Variants in STAB1 observed in about 807,000 individuals in gnomAD.
STAB1 encodes stabilin-1.
Under a neutral mutation model 332.4 loss-of-function variants are expected in STAB1, and 250 were observed. The observed-to-expected ratio is 0.75, with a 90% confidence interval of 0.68 to 0.84. The LOEUF is 0.84. Among genes scored for constraint, STAB1 ranks in the 40% least tolerant of loss-of-function variants. The pLI is 0.00. For synonymous variants in STAB1, 1,475 were observed against 1,390.4 expected (o/e 1.06, Z -1.35); for missense variants, 3,249 against 3,489.7 (o/e 0.93, Z 1.74).
rs889471397 is a variant in STAB1 at position 52,508,453 on chromosome 3, G to A, written c.2235+94G>A. ...CTGGCTGTGTGTCTGGGCCAAGCCT[G>A]CCACTCTGGCCTTGGGATTCTCATA... is the stretch of plus-strand genomic sequence containing the variant. On this transcript the variant is annotated intron_variant, in intron 21 of 68. Coordinates refer to ENST00000321725, the MANE Select transcript of STAB1 (RefSeq NM_015136.3). 2.6e-6 allele frequency: 3 copies of A among 1,172,714 alleles called. No homozygotes were observed. The African/African-American group carries it at 4.5e-5, about 18-fold the overall frequency. 72.6% of individuals were successfully genotyped at this position (1,172,714 alleles called of 1,614,324 possible).
Position 52,513,172 on chromosome 3 carries a change from C to T in STAB1, c.3201C>T (p.Ala1067=). ...LQGALFEEEL[A]RLGGQEVATL... ...GTGCCCTCTTCGAGGAGGAGCTGGC[C>T]CGGCTGGGTGGGCAGGAAGTGGCCA... The change falls in exon 30 of 69, where the codon GCC becomes GCT. Residue 1067 remains alanine (A), a synonymous_variant. Coordinates refer to ENST00000321725, the MANE Select transcript of STAB1 (RefSeq NM_015136.3). 6.3e-7 allele frequency: 1 copy of T among 1,583,254 alleles called. No homozygotes were observed. The highest frequency in any genetic ancestry group is 8.6e-7 in the Non-Finnish European group (1 of 1,165,136).
At chr3:52,517,208 G>T in intron 42 of STAB1, 99 bp downstream of exon 42, 1 of 1,503,304 alleles carries the variant, frequency 6.7e-7, no homozygotes. Context: ...CATGGGACTT[G>T]TGGGGACTGG....
Position 52,513,123 on chromosome 3 carries a change from C to G in STAB1, c.3159-7C>G. 4.5e-6 allele frequency: 7 copies of G among 1,561,180 alleles called. No individual in the cohort carries two copies. Among genetic ancestry groups the G allele is most frequent in the Non-Finnish European group, 6.1e-6 (7 of 1,152,386 alleles). ...TTCCATGACCCCCCTAAACTGTGCCCTGTCAGGGCCCATTTTCTCCAGGGT... is the reference window on the plus strand; with the variant it reads ...TTCCATGACCCCCCTAAACTGTGCCGTGTCAGGGCCCATTTTCTCCAGGGT... On this transcript the variant is annotated splice_polypyrimidine_tract_variant and splice_region_variant and intron_variant, in intron 29 of 68. Transcript: ENST00000321725.
chr3:52,509,206 C>G lies in STAB1; in HGVS notation c.2236-4C>G. On this transcript the variant is annotated splice_region_variant and splice_polypyrimidine_tract_variant and intron_variant, in intron 21 of 68. Transcript: ENST00000321725. ...ACTGATCCTGCCTTCTGCTCACTCTCTAGTGCAGTGATGGGATCCAGGGCA... is the reference window on the plus strand; with the variant it reads ...ACTGATCCTGCCTTCTGCTCACTCTGTAGTGCAGTGATGGGATCCAGGGCA... 1 of 1,613,066 alleles carries G rather than the reference C, an allele frequency of 6.2e-7. No individual in the cohort carries two copies.
chr3:52,519,473 T>G (rs193138937), intron 49 of STAB1, 32 bp from the exon 50 acceptor site: 2 of 1,612,864 alleles, frequency 1.2e-6, no homozygotes, highest in Non-Finnish European at 8.5e-7. Context: ...CCTTCCCGCC[T>G]GGCCTAGCTG....
intron 1 of STAB1, among the ~76,000 whole-genome samples, chr3:52,497,611 C>T (rs1366022121): frequency 6.6e-6 from 1 of 151,876 alleles, no homozygotes; most frequent in Non-Finnish European, 1.5e-5. Flanking sequence ...CAGGGTTTCT[C>T]CATGTTAGCC....
intron 1 of STAB1, among the ~76,000 whole-genome samples, chr3:52,499,854 C>G (rs922000870): frequency 7.3e-6 from 1 of 137,620 alleles, no homozygotes; most frequent in Non-Finnish European, 1.6e-5. Context: ...AGCCGAGATC[C>G]CGCCACTGCA....
intron 55 of STAB1, 59 bp downstream of exon 55, chr3:52,521,064 G>A (rs1443760723): frequency 2.7e-6 from 4 of 1,469,234 alleles, no homozygotes; most frequent in East Asian, 2.4e-5. Flanking sequence ...CCAAGGCACA[G>A]CTCTGGCCAT....
In STAB1 at chr3:52,506,840, A is replaced by G. The variant is rs1341568399; in HGVS notation, c.1979A>G (p.Lys660Arg). The G allele has an allele frequency of 6.2e-6, 10 of 1,612,836 alleles. No homozygotes were observed. Among genetic ancestry groups the G allele is most frequent in the Non-Finnish European group, 8.5e-6 (10 of 1,179,886 alleles). Residue 660 changes from lysine to arginine, a missense_variant, in exon 18 of 69, where the codon AAG becomes AGG. Physicochemically the swap from Lys to Arg is conservative, Grantham distance 26. Coordinates refer to ENST00000321725, the MANE Select transcript of STAB1 (RefSeq NM_015136.3). Reference protein sequence around the residue: ...LPKHCSEEQHKIVAGSCVDCQ... With the variant: ...LPKHCSEEQHRIVAGSCVDCQ... ...AAGCACTGCAGCGAGGAGCAGCACA[A>G]GATTGTGGCGGTGAGCCTCGCCTGC...
intron 26 of STAB1, among the ~76,000 whole-genome samples, chr3:52,512,130 A>T (rs1709340357): frequency 6.6e-6 from 1 of 152,192 alleles, no homozygotes; most frequent in Admixed American, 6.5e-5. Context: ...CCTCGCATCC[A>T]CCTGGCATGG....
Position 52,502,637 on chromosome 3 carries a change from A to T in STAB1, c.493A>T (p.Ser165Cys). The T allele has an allele frequency of 6.2e-7, 1 of 1,611,414 alleles. No individual in the cohort carries two copies. The highest frequency in any genetic ancestry group is 8.5e-7 in the Non-Finnish European group (1 of 1,178,052). Reference protein sequence around the residue: ...RFGPDCQSVCSCVHGVCNHGP... With the variant: ...RFGPDCQSVCCCVHGVCNHGP... ...TCTCTGTGTGTCCCTCCCAGTGTGC[A>T]GCTGTGTGCACGGAGTGTGCAACCA... The change falls in exon 6 of 69, where the codon AGC becomes TGC. Residue 165 changes from serine to cysteine, a missense_variant. Transcript: ENST00000321725.
chr3:52,507,841 G>A (rs1708989410), intron 19 of STAB1, 90 bp from the exon 20 acceptor site: 1 of 1,461,518 alleles, frequency 6.8e-7, no homozygotes, highest in South Asian at 1.2e-5. Flanking sequence ...TCTGGACCCA[G>A]GGGGCAGAGG....
Position 52,517,639 on chromosome 3 carries a change from C to T in STAB1, c.4638+15C>T. On this transcript the variant is annotated intron_variant, in intron 44 of 68. Transcript: ENST00000321725. ...CCTGCTCTAAGGTCAGGACCCTAGT[C>T]CTGTCCTCCTTCACTGACGAGAAGG... is the stretch of plus-strand genomic sequence containing the variant. 3 of 1,610,766 alleles carry T rather than the reference C, an allele frequency of 1.9e-6. No individual in the cohort carries two copies. The highest frequency in any genetic ancestry group is 2.5e-6 in the Non-Finnish European group (3 of 1,178,972).
At chr3:52,507,147 C>T (rs1405052153) in intron 18 of STAB1, among the ~76,000 whole-genome samples, 3 of 152,350 alleles carry the variant, frequency 2.0e-5, no homozygotes, top group Non-Finnish European at 2.9e-5. Context: ...TGGGTTCAAG[C>T]GATTCTCCTG....
At chr3:52,507,047 ATTTGT>A in intron 18 of STAB1, among the ~76,000 whole-genome samples, 197 bp downstream of exon 18, 1 of 152,106 alleles carries the variant, frequency 6.6e-6, no homozygotes, top group Non-Finnish European at 1.5e-5. Flanking sequence ...CATCTTTGAG[ATTTGT>A]TTTGTTTTTT....
chr3:52,503,309 C>A, intron 7 of STAB1, 35 bp from the exon 8 acceptor site: 1 of 1,578,670 alleles, frequency 6.3e-7, no homozygotes. Context: ...CTCCTGGGTG[C>A]TTGGCTCACT....
chr3:52,507,608 C>G lies in STAB1; in HGVS notation c.1990-5C>G. 1.4e-5 allele frequency: 22 copies of G among 1,613,236 alleles called. No homozygotes were observed. The highest frequency in any genetic ancestry group is 1.9e-5 in the Non-Finnish European group (22 of 1,179,646). On this transcript the variant is annotated splice_polypyrimidine_tract_variant and splice_region_variant and intron_variant, in intron 18 of 68. Transcript: ENST00000321725. ...CTCTCCCCATCCTGCCCCTGCCCTG[C>G]CCAGGGCTCCTGTGTGGACTGCCAA...
intron 25 of STAB1, 43 bp downstream of exon 25, chr3:52,510,550 GA>G (rs1709223414): frequency 2.5e-6 from 4 of 1,588,508 alleles, no homozygotes; most frequent in Non-Finnish European, 3.4e-6. Context: ...GGTTCTGGGG[GA>G]CTCTCTCCCT....
In STAB1 at chr3:52,517,975, G is replaced by A; in HGVS notation, c.4733G>A (p.Gly1578Asp). The change falls in exon 45 of 69, where the codon GGC (glycine) becomes GAC (aspartate). Residue 1578 changes from glycine to aspartate, a missense_variant. Physicochemically the swap from Gly to Asp is moderately conservative, Grantham distance 94 (BLOSUM62 -1). Transcript: ENST00000321725. ...TCDTAHTVGD[G>D]LTCRARVGLE... ...GACACAGCCCACACCGTGGGGGACG[G>A]CCTCACCTGCCGTGCCCGAGTCGGC... 1 of 1,606,886 alleles carries A rather than the reference G, an allele frequency of 6.2e-7. No homozygotes were observed. Among genetic ancestry groups the A allele is most frequent in the Non-Finnish European group, 8.5e-7 (1 of 1,178,238 alleles).
Sources: allele counts gnomAD v4.1 joint callset (sites outside exome capture counted in the v4.1 genomes callset), GRCh38; gene constraint gnomAD v4.1.1; transcripts MANE v1.5; gene names NCBI Gene and HGNC (gene_info 2026-07-23, HGNC 2026-07-21).